The following GSN variants were observed in gnomAD, a reference collection of about 807,000 sequenced individuals.
GSN encodes the protein actin-depolymerizing factor.
GSN carries 56 observed loss-of-function variants against 85.7 expected under a neutral mutation model. The observed-to-expected ratio is 0.65, with a 90% CI of 0.53 to 0.82. GSN has a LOEUF of 0.82. Ranked by LOEUF, GSN falls within the 40% of genes least tolerant of loss-of-function variation. GSN has a pLI of 0.00. For synonymous variants in GSN, 373 were observed against 399.1 expected, an observed-to-expected ratio of 0.93 and a Z score of 0.78; for missense variants, 857 against 979.8, an observed-to-expected ratio of 0.87 and a Z score of 1.67.
chr9:121,299,955 C>CG lies in GSN; in HGVS notation c.-9-2002dup, dbSNP rs763678057. 7.1e-6 allele frequency: 9 copies of CG among 1,273,370 alleles called. No individual in the cohort carries two copies. The African/African-American group carries it at 9.3e-5, about 13-fold the overall frequency. The allele number at this position is 1,273,370 out of a possible 1,614,324, so 78.9% of individuals were successfully genotyped here. On this transcript the variant is annotated intron_variant, in intron 2 of 17. Transcript: ENST00000432226. This position sits in a 1 kb window ranked among gnomAD's most constrained non-coding sequence, Gnocchi z 4.2. ...GCCCGTCCGCGCGGCCACTGCGTCG[C>CG]GGGGGGCGTCCCAGGCGGGGGCGCC... is the stretch of plus-strand genomic sequence containing the variant.
chr9:121,244,622 T>C (rs1045086228), intron 5 of GSN, among the ~76,000 whole-genome samples: 1 of 152,216 alleles, frequency 6.6e-6, no homozygotes, highest in East Asian at 1.9e-4. Context: ...AAAAGGTGCA[T>C]GTGCAAGGCT....
At chr9:121,300,399 T>C (rs1406997301) in intron 2 of GSN, among the ~76,000 whole-genome samples, 1 of 152,082 alleles carries the variant, frequency 6.6e-6, no homozygotes, top group Non-Finnish European at 1.5e-5. Flanking sequence ...TCTCCAATAT[T>C]TCCTTCTTTC....
chr9:121,304,338 C>A (rs975084460), intron 4 of GSN, among the ~76,000 whole-genome samples: 1 of 152,244 alleles, frequency 6.6e-6, no homozygotes, highest in Non-Finnish European at 1.5e-5. Context: ...GCTGAGGTGT[C>A]CAGCTCTGCC....
upstream of GSN, among the ~76,000 whole-genome samples, chr9:121,267,431 TGA>T (rs1005379811): frequency 5.3e-5 from 8 of 152,222 alleles, no homozygotes; most frequent in African/African-American, 1.9e-4. Flanking sequence ...GTCATTGTGC[TGA>T]GAGTCTTTTT....
chr9:121,213,015 G>A (rs185096632), intron 4 of GSN, among the ~76,000 whole-genome samples: 76 of 152,158 alleles, frequency 5.0e-4, no homozygotes, highest in Non-Finnish European at 1.1e-3. Context: ...AAAAGGCAGC[G>A]TGAAGGAAGG....
chr9:121,201,593 G>A, the GSN span: 1 of 152,314 alleles, frequency 6.6e-6, no homozygotes, highest in Non-Finnish European at 1.5e-5. Flanking sequence ...AGAACCCGGC[G>A]CGAGGAGGTA....
At chr9:121,282,138 G>A (rs1050405825) in intron 2 of GSN, 6 of 478,778 alleles carry the variant, frequency 1.3e-5, no homozygotes, top group African/African-American at 1.2e-4. Context: ...GGTGGGGGGA[G>A]GAGTGCAGAG....
chr9:121,306,460 G>A (rs990969989), intron 4 of GSN, among the ~76,000 whole-genome samples: 3 of 152,208 alleles, frequency 2.0e-5, no homozygotes, highest in African/African-American at 7.2e-5. Context: ...AGAAATATAG[G>A]TTCCAGAAAA....
At chr9:121,262,212 A>C (rs2055101738) in intron 6 of GSN, among the ~76,000 whole-genome samples, 1 of 152,162 alleles carries the variant, frequency 6.6e-6, no homozygotes, top group South Asian at 2.1e-4. Flanking sequence ...CATGGAAAAG[A>C]CCTTACCTTT....
intron 12 of GSN, 23 bp downstream of exon 12, chr9:121,324,667 CT>C: frequency 8.4e-7 from 1 of 1,194,306 alleles, no homozygotes; most frequent in Non-Finnish European, 1.2e-6. Flanking sequence ...CACCGCCTCT[CT>C]GGGCTGCAGC....
upstream of GSN, among the ~76,000 whole-genome samples, chr9:121,264,202 C>T (rs1271301401): frequency 2.6e-5 from 4 of 152,012 alleles, no homozygotes; most frequent in Non-Finnish European, 4.4e-5. Context: ...TCCTATAATC[C>T]CAGCACTTTC....
intron 2 of GSN, among the ~76,000 whole-genome samples, chr9:121,289,355 G>C (rs1323172547): frequency 1.3e-5 from 2 of 152,066 alleles, no homozygotes; most frequent in Admixed American, 6.5e-5. Flanking sequence ...CCCTCTCTCT[G>C]AGATAGCTGT....
Position 121,329,771 on chromosome 9 carries a change from T to G in GSN, c.1965+456T>G, listed in dbSNP as rs116023102. The stretch of plus-strand genomic sequence containing the variant: ...CTTCATCTCCTAGAGAAGGCCATTA[T>G]GTAGGACTTGGCAGGGGAAGATGCC... On this transcript the variant is annotated intron_variant, in intron 16 of 17. Transcript: ENST00000432226. This position sits in a 1 kb window ranked among gnomAD's most constrained non-coding sequence, Gnocchi z 4.6. 5.6e-3 allele frequency among the ~76,000 whole-genome samples: 847 copies of G among 152,326 alleles called. 7 individuals are homozygous for G. Among genetic ancestry groups the G allele is most frequent in the African/African-American group, 0.019 (810 of 41,564 alleles).
intron 5 of GSN, among the ~76,000 whole-genome samples, chr9:121,241,659 A>G (rs2054607904): frequency 6.6e-6 from 1 of 152,222 alleles, no homozygotes; most frequent in South Asian, 2.1e-4. Flanking sequence ...TGCTATTTTT[A>G]TTCTTCCATG....
In GSN at chr9:121,239,644, G is replaced by A. The variant is rs187990830; in HGVS notation, c.-389+8341G>A. 6.1e-4 allele frequency: 175 copies of A among 285,718 alleles called. 1 individual carries two copies. Among genetic ancestry groups the A allele is most frequent in the Non-Finnish European group, 1.1e-3 (155 of 143,534 alleles). 17.7% of individuals were successfully genotyped at this position (285,718 alleles called of 1,614,324 possible). A position where few individuals can be genotyped will look rare whatever the true frequency, so the allele number is the denominator to read the frequency against. ...ATCATGTCCTCTGGGTAGATTTGAC[G>A]TTGAGGATTGGTTGGCCATCGCATG... On this transcript the variant is annotated intron_variant, in intron 5 of 24. Coordinates refer to the GSN transcript ENST00000373823.
chr9:121,249,393 C>A (rs983046567), intron 6 of GSN, among the ~76,000 whole-genome samples: 2 of 152,124 alleles, frequency 1.3e-5, no homozygotes. Flanking sequence ...AGGAGGATCA[C>A]CTGAGCCTGG....
intron 5 of GSN, among the ~76,000 whole-genome samples, chr9:121,237,754 T>A (rs2054524540): frequency 6.6e-6 from 1 of 152,214 alleles, no homozygotes; most frequent in Non-Finnish European, 1.5e-5. Context: ...ACTCAGAGGC[T>A]GATACTCTTG....
intron 2 of GSN, among the ~76,000 whole-genome samples, chr9:121,299,000 A>G (rs1360228719): frequency 6.6e-6 from 1 of 152,204 alleles, no homozygotes; most frequent in African/African-American, 2.4e-5. Context: ...AAACAACTTC[A>G]GGAAGTAACA....
In GSN at chr9:121,271,526, T is replaced by C. The variant is rs116412307; in HGVS notation, c.-103+3307T>C. On this transcript the variant is annotated intron_variant, in intron 1 of 17. Coordinates refer to ENST00000432226, the MANE Select transcript of GSN (RefSeq NM_198252.3). Reference sequence around the variant, plus strand: ...TAACATGCCCCGGGTTGTGTGGCTATTGGGTGATGGTGCAAGGATTCCAGA... The same window carrying C: ...TAACATGCCCCGGGTTGTGTGGCTACTGGGTGATGGTGCAAGGATTCCAGA... 3.7e-3 allele frequency among the ~76,000 whole-genome samples: 557 copies of C among 152,254 alleles called. 1 individual carries two copies. The highest frequency in any genetic ancestry group is 0.013 in the African/African-American group (522 of 41,536).
Sources: allele counts gnomAD v4.1 joint callset (sites outside exome capture counted in the v4.1 genomes callset), GRCh38; gene constraint gnomAD v4.1.1; non-coding constraint Gnocchi (gnomAD v3.1); transcripts MANE v1.5; gene names NCBI Gene and HGNC (gene_info 2026-07-23, HGNC 2026-07-21).